Variants in ATP9B observed in about 807,000 individuals in gnomAD.
ATP9B encodes the protein ATPase phospholipid transporting 9B, also known as probable phospholipid-transporting ATPase IIB.
In ATP9B, 110 loss-of-function variants were observed where a neutral mutation model predicts 146.1. That is an observed-to-expected ratio of 0.75 (90% CI 0.65 to 0.88). The LOEUF is 0.88. Ranked by LOEUF, ATP9B falls within the 40% of genes least tolerant of loss-of-function variation. ATP9B has a pLI of 0.00. For synonymous variants in ATP9B, 604 were observed against 569.7 expected (o/e 1.06, Z -0.86); for missense variants, 1,499 against 1,496.4 (o/e 1.00, Z -0.03).
intron 29 of ATP9B, chr18:79,375,752 T>C: frequency 1.0e-6 from 1 of 985,408 alleles, no homozygotes; most frequent in Non-Finnish European, 1.2e-6. Context: ...TTCCAGGGTC[T>C]TCAGAAAATG....
intron 7 of ATP9B, among the ~76,000 whole-genome samples, chr18:79,159,689 C>T (rs1315352917): frequency 1.3e-5 from 2 of 152,186 alleles, no homozygotes; most frequent in Non-Finnish European, 2.9e-5. Context: ...CCACCCCCAA[C>T]CCCCAGTGAC....
At chr18:79,209,281 A>G (rs1027050111) in intron 10 of ATP9B, among the ~76,000 whole-genome samples, 3 of 152,250 alleles carry the variant, frequency 2.0e-5, no homozygotes, top group Non-Finnish European at 4.4e-5. Flanking sequence ...TACATTTTCC[A>G]TACATAGTTA....
chr18:79,233,102 G>C (rs2095807430), intron 11 of ATP9B, among the ~76,000 whole-genome samples: 1 of 152,060 alleles, frequency 6.6e-6, no homozygotes, highest in Non-Finnish European at 1.5e-5. Context: ...GACCAGCCTG[G>C]GCAGCGTGGT....
chr18:79,344,290 T>C lies in ATP9B; in HGVS notation c.2408T>C (p.Leu803Ser). ...GTAACCAGTCGGGGAGAGGCACATTTGGAGCTGAATGCATTTCGAAGGAAG... is the reference window on the plus strand; with the variant it reads ...GTAACCAGTCGGGGAGAGGCACATTCGGAGCTGAATGCATTTCGAAGGAAG... ...RQVTSRGEAH[L>S]ELNAFRRKHD... is the part of the protein sequence containing the mutation. The change falls in exon 21 of 30, where the codon TTG (leucine) becomes TCG (serine). Residue 803 changes from leucine to serine, a missense_variant. By Grantham distance (145) the Leu-to-Ser change is moderately radical (BLOSUM62 -2). Coordinates refer to ENST00000426216, the MANE Select transcript of ATP9B (RefSeq NM_198531.5). 2 of 1,614,230 alleles carry C rather than the reference T, an allele frequency of 1.2e-6. No homozygotes were observed. The highest frequency in any genetic ancestry group is 8.5e-7 in the Non-Finnish European group (1 of 1,180,030).
intron 7 of ATP9B, among the ~76,000 whole-genome samples, chr18:79,168,662 C>T (rs1229787513): frequency 2.0e-5 from 3 of 152,194 alleles, no homozygotes; most frequent in Non-Finnish European, 2.9e-5. Flanking sequence ...ATGTCAGTAA[C>T]CTTCCCCTTT....
chr18:79,341,892 C>T (rs548697563), intron 19 of ATP9B, among the ~76,000 whole-genome samples: 4 of 152,332 alleles, frequency 2.6e-5, no homozygotes, highest in Admixed American at 2.0e-4. Flanking sequence ...TCCTCCTAAA[C>T]GGAAACTGTC....
At chr18:79,278,735 A>T (rs2096342553) in intron 13 of ATP9B, among the ~76,000 whole-genome samples, 1 of 152,188 alleles carries the variant, frequency 6.6e-6, no homozygotes, top group African/African-American at 2.4e-5. Flanking sequence ...TATGAATCCC[A>T]GTGACTCGGA....
chr18:79,130,778 C>T (rs1476913971), intron 5 of ATP9B, among the ~76,000 whole-genome samples: 1 of 151,848 alleles, frequency 6.6e-6, no homozygotes, highest in African/African-American at 2.4e-5. Context: ...GGTCTGAAGG[C>T]AGTGGGGTGA....
At chr18:79,197,735 C>G (rs1161652611) in intron 9 of ATP9B, among the ~76,000 whole-genome samples, 1 of 152,084 alleles carries the variant, frequency 6.6e-6, no homozygotes, top group African/African-American at 2.4e-5. Flanking sequence ...AACCCAATAC[C>G]AGGTGTGACA....
intron 17 of ATP9B, among the ~76,000 whole-genome samples, chr18:79,331,212 T>A (rs1389230940): frequency 6.6e-6 from 1 of 152,196 alleles, no homozygotes; most frequent in Non-Finnish European, 1.5e-5. Context: ...ACCTCAGAGA[T>A]GGTCTGTCCG....
intron 6 of ATP9B, among the ~76,000 whole-genome samples, chr18:79,150,513 G>A (rs977523574): frequency 6.6e-6 from 1 of 152,152 alleles, no homozygotes; most frequent in African/African-American, 2.4e-5. Context: ...CGTTCACACC[G>A]TGGCATGTGG....
intron 5 of ATP9B, among the ~76,000 whole-genome samples, chr18:79,139,162 T>C (rs1683900836): frequency 6.6e-6 from 1 of 152,250 alleles, no homozygotes; most frequent in African/African-American, 2.4e-5. Flanking sequence ...TTAGTAGGTC[T>C]TACTTTGCTA....
chr18:79,353,431 T>C (rs1310016739), intron 25 of ATP9B: 1 of 152,132 alleles, frequency 6.6e-6, no homozygotes, highest in Non-Finnish European at 1.5e-5. Flanking sequence ...CCAACGGCCA[T>C]CCACCAGGGG....
intron 2 of ATP9B, among the ~76,000 whole-genome samples, chr18:79,109,419 G>A (rs2075857631): frequency 6.6e-6 from 1 of 152,116 alleles, no homozygotes; most frequent in Non-Finnish European, 1.5e-5. Flanking sequence ...CTGAAACCCA[G>A]ACACTATTGG....
intron 11 of ATP9B, among the ~76,000 whole-genome samples, chr18:79,248,165 C>T (rs972454937): frequency 3.3e-5 from 5 of 152,168 alleles, no homozygotes; most frequent in African/African-American, 1.2e-4. Flanking sequence ...ACTACACACA[C>T]TTAAGGCTTA....
intron 8 of ATP9B, among the ~76,000 whole-genome samples, chr18:79,178,264 G>A (rs2095205194): frequency 6.6e-6 from 1 of 152,178 alleles, no homozygotes; most frequent in African/African-American, 2.4e-5. Context: ...CACCGGATGA[G>A]TGACCCGGTT....
intron 13 of ATP9B, among the ~76,000 whole-genome samples, chr18:79,284,867 A>C (rs1286344097): frequency 6.8e-6 from 1 of 147,208 alleles, no homozygotes; most frequent in African/African-American, 2.5e-5. Flanking sequence ...GAGAATATGC[A>C]GTGTTTGGTT....
intron 13 of ATP9B, among the ~76,000 whole-genome samples, chr18:79,292,532 C>T (rs1252944880): frequency 6.6e-6 from 1 of 152,146 alleles, no homozygotes; most frequent in Non-Finnish European, 1.5e-5. Context: ...GTAATACCTA[C>T]TAAAATCCCA....
intron 11 of ATP9B, among the ~76,000 whole-genome samples, chr18:79,241,715 A>G (rs1257477673): frequency 6.6e-6 from 1 of 152,248 alleles, no homozygotes; most frequent in African/African-American, 2.4e-5. Context: ...TACATTTAGA[A>G]TAAGTGCACT....
Sources: gnomAD v4.1 joint callset for allele counts (sites outside exome capture counted in the v4.1 genomes callset) on GRCh38, gnomAD v4.1.1 for gene constraint, MANE v1.5 for transcripts, NCBI Gene and HGNC (gene_info 2026-07-23, HGNC 2026-07-21) for gene names.